The following AASS variants were observed in gnomAD, a reference collection of about 807,000 sequenced individuals.
AASS encodes alpha-aminoadipic semialdehyde synthase, mitochondrial.
A neutral mutation model predicts 105.4 loss-of-function variants in AASS; 86 were observed. That is an observed-to-expected ratio of 0.82 (90% CI 0.69 to 0.98). The LOEUF is 0.98. Ranked by LOEUF, AASS falls within the 50% of genes least tolerant of loss-of-function variation. The pLI, the probability that AASS is intolerant of heterozygous loss-of-function variation, is 0.00. For synonymous variants in AASS, 381 were observed against 394.8 expected (o/e 0.96, Z 0.41); for missense variants, 1,048 against 1,143.2 (o/e 0.92, Z 1.20).
chr7:122,098,761 A>G lies in AASS; in HGVS notation c.1512T>C (p.Asn504=), dbSNP rs1469857658. 1.2e-6 allele frequency: 2 copies of G among 1,605,658 alleles called. No individual in the cohort carries two copies. Among genetic ancestry groups the G allele is most frequent in the East Asian group, 2.2e-5 (1 of 44,584 alleles). The change falls in exon 14 of 24, where the codon AAT becomes AAC. Residue 504 remains asparagine, a synonymous_variant. Transcript: ENST00000417368. The part of the protein sequence containing the change: ...PVLEYLSRDG[N]IEITVGSDMK... ...CTTATTTACCTACTGTTATTTCTAT[A>G]TTGCCATCTCTTGATAAATATTCTA...
chr7:122,092,247 A>G (rs1793939390), intron 17 of AASS, among the ~76,000 whole-genome samples: 2 of 152,128 alleles, frequency 1.3e-5, no homozygotes, highest in South Asian at 4.1e-4. Flanking sequence ...GTACCTCGCC[A>G]AAGGTACTAT....
chr7:122,126,839 C>T lies in AASS; in HGVS notation c.388-380G>A, dbSNP rs147758215. ...CAAATAAAACAGATCCATTTTGAGACGAATCTCTGTGACCTAGATCCCAGC... is the reference window on the plus strand; with the variant it reads ...CAAATAAAACAGATCCATTTTGAGATGAATCTCTGTGACCTAGATCCCAGC... On this transcript the variant is annotated intron_variant, in intron 3 of 23. Coordinates refer to ENST00000417368, the MANE Select transcript of AASS (RefSeq NM_005763.4). 2.2e-4 allele frequency among the ~76,000 whole-genome samples: 34 copies of T among 152,230 alleles called. 1 individual carries two copies. In the East Asian group the frequency reaches 5.6e-3, roughly 25 times the overall value.
At chr7:122,108,478 A>AT (rs1205458578) in intron 11 of AASS, among the ~76,000 whole-genome samples, 1 of 152,098 alleles carries the variant, frequency 6.6e-6, no homozygotes, top group Non-Finnish European at 1.5e-5. Context: ...ATTCACCATA[A>AT]TAAATGGGAT....
intron 11 of AASS, among the ~76,000 whole-genome samples, chr7:122,103,202 A>G (rs1188411642): frequency 6.6e-6 from 1 of 152,070 alleles, no homozygotes; most frequent in African/African-American, 2.4e-5. Context: ...ATGATATTAA[A>G]AGCAGCAAGA....
Position 122,077,832 on chromosome 7 carries a change from ACTT to A in AASS, c.2662+3_2662+5del. ...ACAGGCTTACACCTCAAATGAACAG[ACTT>A]ACCATCAAGCAACATTTTGGCTGCC... On this transcript the variant is annotated splice_donor_5th_base_variant and intron_variant, in intron 23 of 23. Transcript: ENST00000417368. 1.2e-6 allele frequency: 2 copies of A among 1,614,176 alleles called. No individual in the cohort carries two copies. The highest frequency in any genetic ancestry group is 1.7e-6 in the Non-Finnish European group (2 of 1,180,016).
At position 122,075,024 on chromosome 7, in the gene AASS, G is replaced by A. The variant is rs963252026; in HGVS notation, c.*1465C>T. 6.6e-6 allele frequency among the ~76,000 whole-genome samples: 1 copy of A among 151,964 alleles called. No individual in the cohort carries two copies. The highest frequency in any genetic ancestry group is 1.5e-5 in the Non-Finnish European group (1 of 67,996). ...CAGATGAGTGTCATCACATCCAGCT[G>A]TTTTTTGTTTGCTTGTTGTTTTTTG... On this transcript the variant is annotated 3_prime_UTR_variant, in exon 24 of 24. Coordinates refer to ENST00000417368, the MANE Select transcript of AASS (RefSeq NM_005763.4).
At chr7:122,107,493 T>C (rs1359375156) in intron 11 of AASS, among the ~76,000 whole-genome samples, 5 of 152,158 alleles carry the variant, frequency 3.3e-5, no homozygotes, top group African/African-American at 1.2e-4. Context: ...AGCAGAGACA[T>C]GGACTCAACC....
rs192297212 is a variant in AASS at position 122,104,603 on chromosome 7, C to T, written c.1279-2923G>A. ...CAAGACTGCCTCAAAAATAAACAAACAATGAAACTACGTCCTTTGCAGCAA... is the reference window on the plus strand; with the variant it reads ...CAAGACTGCCTCAAAAATAAACAAATAATGAAACTACGTCCTTTGCAGCAA... On this transcript the variant is annotated intron_variant, in intron 11 of 23. Coordinates refer to ENST00000417368, the MANE Select transcript of AASS (RefSeq NM_005763.4). Among the ~76,000 whole-genome samples the T allele has an allele frequency of 1.9e-3, 284 of 152,102 alleles. 1 individual carries two copies. Among genetic ancestry groups the T allele is most frequent in the African/African-American group, 6.5e-3 (268 of 41,544 alleles).
chr7:122,079,743 A>T, intron 20 of AASS, 31 bp from the exon 21 acceptor site: 2 of 1,523,342 alleles, frequency 1.3e-6, no homozygotes, highest in Non-Finnish European at 1.8e-6. Context: ...AATATTTCTA[A>T]GTCCCTAACA....
chr7:122,111,160 G>A (rs1209247621), intron 11 of AASS, among the ~76,000 whole-genome samples: 1 of 152,056 alleles, frequency 6.6e-6, no homozygotes, highest in East Asian at 1.9e-4. Context: ...AGTATGAGAT[G>A]AACATTGTAA....
chr7:122,074,865 TTTTG>T lies in AASS; in HGVS notation c.*1620_*1623del, dbSNP rs1792927879. 6.8e-6 allele frequency among the ~76,000 whole-genome samples: 1 copy of T among 147,080 alleles called. No individual in the cohort carries two copies. The highest frequency in any genetic ancestry group is 2.3e-4 in the South Asian group (1 of 4,320). ...ATGCTGTCAATTTTTTTCTTTTCTT[TTTTG>T]TTTTTTTTGAGTCAAGGTCTAACTC... On this transcript the variant is annotated 3_prime_UTR_variant, in exon 24 of 24. Transcript: ENST00000417368.
intron 15 of AASS, among the ~76,000 whole-genome samples, chr7:122,094,473 T>C (rs933574891): frequency 2.0e-5 from 3 of 151,826 alleles, no homozygotes; most frequent in Non-Finnish European, 2.9e-5. Context: ...AGTACAATGA[T>C]GTAGTATGAT....
Position 122,091,801 on chromosome 7 carries a change from C to T in AASS, c.1918G>A (p.Glu640Lys), listed in dbSNP as rs373218761. ...ISYCGGLPAP[E>K]HSNNPLRYKF... ...TATCTCAATGGATTGTTTGAATGTTCAGGGGCTGGAAGCCCACCACAGTAG... is the reference window on the plus strand; with the variant it reads ...TATCTCAATGGATTGTTTGAATGTTTAGGGGCTGGAAGCCCACCACAGTAG... Residue 640 changes from glutamate to lysine, a missense_variant, in exon 18 of 24, where the codon GAA becomes AAA. Physicochemically the swap from Glu to Lys is moderately conservative, Grantham distance 56. Coordinates refer to ENST00000417368, the MANE Select transcript of AASS (RefSeq NM_005763.4). 29 of 1,613,138 alleles carry T rather than the reference C, an allele frequency of 1.8e-5. No homozygotes were observed. The highest frequency in any genetic ancestry group is 2.5e-5 in the Non-Finnish European group (29 of 1,179,556).
chr7:122,141,670 A>AC (rs972380778), intron 1 of AASS, among the ~76,000 whole-genome samples: 6 of 150,758 alleles, frequency 4.0e-5, no homozygotes, highest in Non-Finnish European at 8.9e-5. Context: ...AAAAAAAAAA[A>AC]AAAAAAAAAA....
In AASS at chr7:122,076,121, C is replaced by A. The variant is rs1030648137; in HGVS notation, c.*368G>T. On this transcript the variant is annotated 3_prime_UTR_variant, in exon 24 of 24. Coordinates refer to ENST00000417368, the MANE Select transcript of AASS (RefSeq NM_005763.4). The stretch of plus-strand genomic sequence containing the variant: ...CCCAGGAGGCGGAGCTTGCAGTGAG[C>A]CGAGATCGCGCCACTGCACTCCAGC... 9.1e-6 allele frequency: 2 copies of A among 220,552 alleles called. No homozygotes were observed. The highest frequency in any genetic ancestry group is 1.2e-4 in the South Asian group (2 of 16,772). 13.7% of individuals were successfully genotyped at this position (220,552 alleles called of 1,614,324 possible).
intron 11 of AASS, among the ~76,000 whole-genome samples, chr7:122,102,272 G>A (rs1385388267): frequency 2.0e-5 from 3 of 151,764 alleles, no homozygotes; most frequent in Non-Finnish European, 4.4e-5. Context: ...TTGAGTCAGA[G>A]ACAACAAAAA....
intron 13 of AASS, among the ~76,000 whole-genome samples, chr7:122,099,404 A>G (rs1264451339): frequency 2.0e-5 from 3 of 151,890 alleles, no homozygotes; most frequent in Admixed American, 1.3e-4. Flanking sequence ...TTTGAGTCAC[A>G]CATGCCATGG....
intron 3 of AASS, 85 bp downstream of exon 3, chr7:122,129,276 A>T: frequency 1.2e-6 from 1 of 853,544 alleles, no homozygotes; most frequent in Non-Finnish European, 1.7e-6. Context: ...AAAGAAGAAA[A>T]GAAGACTAAA....
chr7:122,099,681 G>C (rs1039747031), intron 13 of AASS, among the ~76,000 whole-genome samples: 4 of 151,894 alleles, frequency 2.6e-5, no homozygotes, highest in Non-Finnish European at 5.9e-5. Flanking sequence ...AAATGGCCTA[G>C]TGCCAGGGAC....
Sources: gnomAD v4.1 joint callset for allele counts (sites outside exome capture counted in the v4.1 genomes callset) on GRCh38, gnomAD v4.1.1 for gene constraint, MANE v1.5 for transcripts, NCBI Gene and HGNC (gene_info 2026-07-23, HGNC 2026-07-21) for gene names.